Variants in SPATA17 observed in about 807,000 individuals in gnomAD.
SPATA17 encodes spermatogenesis associated 17.
SPATA17 carries 53 observed loss-of-function variants against 62.2 expected under a neutral mutation model. That is an observed-to-expected ratio of 0.85 (90% confidence interval 0.68 to 1.07). The LOEUF (loss-of-function observed/expected upper bound fraction) is 1.07, where lower values mean the gene tolerates loss of function less well. Ranked by LOEUF, SPATA17 falls within the 50% of genes least tolerant of loss-of-function variation. The pLI, the probability that SPATA17 is intolerant of heterozygous loss-of-function variation, is 0.00. For synonymous variants in SPATA17, 146 were observed against 146.8 expected (o/e 0.99, Z 0.04); for missense variants, 466 against 425.5 (o/e 1.10, Z -0.84).
At chr1:217,742,208 G>A (rs1205172439) in intron 6 of SPATA17, 110 bp downstream of exon 6, 1 of 1,377,014 alleles carries the variant, frequency 7.3e-7, no homozygotes, top group Non-Finnish European at 1.0e-6. Context: ...ATATCACAAA[G>A]ACACTACTTC....
At chr1:217,702,383 G>T (rs12073158) in intron 5 of SPATA17, among the ~76,000 whole-genome samples, 38,050 of 151,802 alleles carry the variant, frequency 0.25, 5,222 homozygotes, top group African/African-American at 0.35. Flanking sequence ...CAGTTTCCCT[G>T]TTCTTTTCCC....
At chr1:217,684,523 T>C (rs1340318879) in intron 5 of SPATA17, among the ~76,000 whole-genome samples, 2 of 152,158 alleles carry the variant, frequency 1.3e-5, no homozygotes, top group South Asian at 4.1e-4. Context: ...CAAGTGATTC[T>C]TGTGCCTCAG....
intron 5 of SPATA17, among the ~76,000 whole-genome samples, chr1:217,702,398 A>G (rs545733209): frequency 3.9e-5 from 6 of 152,138 alleles, no homozygotes; most frequent in African/African-American, 1.4e-4. Flanking sequence ...TTTCCCACCC[A>G]TTTGGAAGGT....
At chr1:217,796,767 G>T (rs926369834) in intron 8 of SPATA17, among the ~76,000 whole-genome samples, 1 of 152,112 alleles carries the variant, frequency 6.6e-6, no homozygotes, top group African/African-American at 2.4e-5. Context: ...TCTATGTTTT[G>T]AAATCTTTCT....
chr1:217,678,839 C>G lies in SPATA17; in HGVS notation c.292-4419C>G, dbSNP rs1206658505. ...TTAAAATTATCTATTCAGAGCTGATCAATGACAATAATTGTTTTATACCAA... is the reference window on the plus strand; with the variant it reads ...TTAAAATTATCTATTCAGAGCTGATGAATGACAATAATTGTTTTATACCAA... On this transcript the variant is annotated intron_variant, in intron 4 of 10. Coordinates refer to ENST00000366933, the MANE Select transcript of SPATA17 (RefSeq NM_138796.4). Among the ~76,000 whole-genome samples the G allele has an allele frequency of 2.6e-5, 4 of 152,038 alleles. No homozygotes were observed. The South Asian group carries it at 6.2e-4, about 24-fold the overall frequency.
chr1:217,766,110 C>G (rs1403889222), intron 6 of SPATA17, among the ~76,000 whole-genome samples: 1 of 151,886 alleles, frequency 6.6e-6, no homozygotes, highest in South Asian at 2.1e-4. Context: ...TTTATCCACT[C>G]TGACAATCTC....
At chr1:217,676,415 C>A (rs2102901597) in intron 4 of SPATA17, among the ~76,000 whole-genome samples, 1 of 152,168 alleles carries the variant, frequency 6.6e-6, no homozygotes, top group Non-Finnish European at 1.5e-5. Flanking sequence ...CTCTACCGTG[C>A]CTGTTTTGGG....
intron 9 of SPATA17, among the ~76,000 whole-genome samples, chr1:217,856,868 G>A (rs910292414): frequency 3.9e-5 from 6 of 152,164 alleles, no homozygotes; most frequent in African/African-American, 7.2e-5. Flanking sequence ...AATGCCGGGT[G>A]ATCTTTTAAA....
intron 5 of SPATA17, among the ~76,000 whole-genome samples, chr1:217,711,769 G>T (rs1671870797): frequency 6.6e-6 from 1 of 152,170 alleles, no homozygotes; most frequent in South Asian, 2.1e-4. Flanking sequence ...GTAGAAAGAG[G>T]GGAGGAAGAA....
intron 9 of SPATA17, among the ~76,000 whole-genome samples, chr1:217,835,689 G>A (rs142898479): frequency 6.6e-6 from 1 of 152,190 alleles, no homozygotes; most frequent in African/African-American, 2.4e-5. Flanking sequence ...CCTTTGTGAA[G>A]CTAATGAGAG....
chr1:217,702,574 T>G (rs1253687116), intron 5 of SPATA17, among the ~76,000 whole-genome samples: 1 of 152,238 alleles, frequency 6.6e-6, no homozygotes, highest in South Asian at 2.1e-4. Context: ...ACTTTATTTT[T>G]AAATTTGTTC....
At chr1:217,721,338 G>A (rs1489009858) in intron 5 of SPATA17, among the ~76,000 whole-genome samples, 3 of 152,270 alleles carry the variant, frequency 2.0e-5, no homozygotes, top group African/African-American at 7.2e-5. Flanking sequence ...AGGCTTAAAA[G>A]GGAACCCTGA....
At chr1:217,775,577 C>G (rs563176438) in intron 7 of SPATA17, among the ~76,000 whole-genome samples, 2 of 152,136 alleles carry the variant, frequency 1.3e-5, no homozygotes, top group Admixed American at 1.3e-4. Context: ...GTGGTGCACC[C>G]TGTGGTCCCA....
intron 9 of SPATA17, among the ~76,000 whole-genome samples, chr1:217,846,388 A>G (rs1012122160): frequency 2.0e-5 from 3 of 152,122 alleles, no homozygotes; most frequent in East Asian, 3.9e-4. Context: ...TGTGATTTCA[A>G]TATGAAACAA....
intron 5 of SPATA17, among the ~76,000 whole-genome samples, chr1:217,708,014 A>G (rs1671775373): frequency 6.6e-6 from 1 of 152,222 alleles, no homozygotes; most frequent in African/African-American, 2.4e-5. Context: ...TGATGAGAAC[A>G]AAGATACAAC....
chr1:217,741,136 C>T (rs1410880680), intron 5 of SPATA17, among the ~76,000 whole-genome samples: 1 of 152,150 alleles, frequency 6.6e-6, no homozygotes, highest in Non-Finnish European at 1.5e-5. Flanking sequence ...CACTAAGTTA[C>T]TTACCTACTT....
intron 5 of SPATA17, among the ~76,000 whole-genome samples, chr1:217,725,985 A>G (rs887490617): frequency 2.0e-5 from 3 of 152,170 alleles, no homozygotes; most frequent in Admixed American, 6.5e-5. Flanking sequence ...TGTTAATGAT[A>G]TATTTTCTTT....
chr1:217,770,945 AG>A (rs1322456099), intron 6 of SPATA17, among the ~76,000 whole-genome samples: 3 of 139,676 alleles, frequency 2.1e-5, no homozygotes, highest in Non-Finnish European at 4.6e-5. Flanking sequence ...GGGGAATTCA[AG>A]AAAAATATGT....
chr1:217,694,470 T>C (rs1384392645), intron 5 of SPATA17, among the ~76,000 whole-genome samples: 1 of 140,502 alleles, frequency 7.1e-6, no homozygotes, highest in African/African-American at 2.7e-5. Flanking sequence ...TGTCTTTTAA[T>C]TGGAGAATTT....
Sources: gnomAD v4.1 joint callset for allele counts (sites outside exome capture counted in the v4.1 genomes callset) on GRCh38, gnomAD v4.1.1 for gene constraint, MANE v1.5 for transcripts, NCBI Gene and HGNC (gene_info 2026-07-23, HGNC 2026-07-21) for gene names.